Variants in TLE4 observed in about 807,000 individuals in gnomAD.
TLE4 encodes transducin-like enhancer protein 4.
A neutral mutation model predicts 92.8 loss-of-function variants in TLE4; 8 were observed. The ratio of observed to expected loss-of-function variants is 0.09; its 90% CI spans 0.05 to 0.16. The LOEUF is 0.16. Among genes scored for constraint, TLE4 ranks in the 10% least tolerant of loss-of-function variants. The pLI is 1.00. For missense variants in TLE4, 675 were observed against 997.6 expected (o/e 0.68, Z 4.36); for synonymous variants, 371 against 374.1 (o/e 0.99, Z 0.10).
chr9:79,632,689 A>G (rs2054623346), intron 6 of TLE4, among the ~76,000 whole-genome samples: 1 of 152,094 alleles, frequency 6.6e-6, no homozygotes, highest in Non-Finnish European at 1.5e-5. Context: ...GAGCTTCTCT[A>G]TCTTGTTCTG....
intron 17 of TLE4, 83 bp from the exon 18 acceptor site, chr9:79,722,368 T>G: frequency 6.9e-7 from 1 of 1,443,810 alleles, no homozygotes; most frequent in Non-Finnish European, 9.4e-7. Flanking sequence ...ATTTAAGTAG[T>G]ATCTACAGAA....
chr9:79,709,650 C>G lies in TLE4; in HGVS notation c.1291C>G (p.Arg431Gly). Residue 431 changes from arginine to glycine, a missense_variant, in exon 14 of 20, where the codon CGT becomes GGT. Arg to Gly is a moderately radical substitution (Grantham distance 125). This residue lies in a region of TLE4 where 119 missense variants were observed against 175.9 expected (regional missense o/e 0.68). Coordinates refer to ENST00000376552, the MANE Select transcript of TLE4 (RefSeq NM_007005.6). ...VVGFDPHHHM[R>G]VPAIPPNLTG... Reference sequence around the variant, plus strand: ...GGGATTTGATCCACACCATCACATGCGTGTGCCAGCAATACCTCCAAACCT... The same window carrying G: ...GGGATTTGATCCACACCATCACATGGGTGTGCCAGCAATACCTCCAAACCT... 6.2e-7 allele frequency: 1 copy of G among 1,614,030 alleles called. No individual in the cohort carries two copies. The highest frequency in any genetic ancestry group is 8.5e-7 in the Non-Finnish European group (1 of 1,179,962).
intron 8 of TLE4, among the ~76,000 whole-genome samples, chr9:79,694,758 G>C (rs552779285): frequency 2.0e-5 from 3 of 150,530 alleles, no homozygotes; most frequent in African/African-American, 7.4e-5. Context: ...TCATCTGTGT[G>C]TGGTGACTTA....
chr9:79,704,841 C>A lies in TLE4; in HGVS notation c.668C>A (p.Ala223Glu). Reference sequence around the variant, plus strand: ...GGTGCTGAGAAGCACAGAAACTCCGCAGACTACTCCTCAGAGAGCAAAAAG... The same window carrying A: ...GGTGCTGAGAAGCACAGAAACTCCGAAGACTACTCCTCAGAGAGCAAAAAG... ...FRGAEKHRNS[A>E]DYSSESKKQK... is the part of the protein sequence containing the mutation. The change falls in exon 9 of 20, where the codon GCA becomes GAA. Residue 223 changes from alanine (A) to glutamate (E), a missense_variant. Transcript: ENST00000376552. 6.2e-7 allele frequency: 1 copy of A among 1,614,180 alleles called. No individual in the cohort carries two copies. The highest frequency in any genetic ancestry group is 8.5e-7 in the Non-Finnish European group (1 of 1,180,020).
chr9:79,572,113 A>G lies in TLE4; in HGVS notation c.-678A>G, dbSNP rs550320141. 241 of 151,990 alleles carry G rather than the reference A, an allele frequency of 1.6e-3. 1 individual carries two copies. The highest frequency in any genetic ancestry group is 5.6e-3 in the African/African-American group (232 of 41,466). 9.4% of individuals were successfully genotyped at this position (151,990 alleles called of 1,614,324 possible). ...TAAAAAAAAAAGCCGCAAGCGTTTC[A>G]CTCTTTTATTTTTATAATCCCCTTC... On this transcript the variant is annotated 5_prime_UTR_variant, in exon 1 of 20. Transcript: ENST00000376552.
chr9:79,703,728 G>A (rs956976823), intron 8 of TLE4, among the ~76,000 whole-genome samples: 9 of 152,156 alleles, frequency 5.9e-5, no homozygotes, highest in African/African-American at 2.2e-4. Context: ...GCATTCCTAG[G>A]TTTCCAGACA....
At chr9:79,652,833 A>G in intron 7 of TLE4, 39 bp downstream of exon 7, 1 of 1,596,968 alleles carries the variant, frequency 6.3e-7, no homozygotes, top group Non-Finnish European at 8.6e-7. Flanking sequence ...GAGATGACCT[A>G]CTTGCTGCTG....
Position 79,708,575 on chromosome 9 carries a change from A to G in TLE4, c.1070-18A>G, listed in dbSNP as rs190077246. On this transcript the variant is annotated intron_variant, in intron 12 of 19. Coordinates refer to ENST00000376552, the MANE Select transcript of TLE4 (RefSeq NM_007005.6). ...TTCCTGTGTTCTTCATTTTTCTTCC[A>G]TCCATTTTGGTTTGCAGCCTCAAGC... 4.6e-5 allele frequency: 74 copies of G among 1,598,352 alleles called. No homozygotes were observed. In the East Asian group the frequency reaches 1.6e-3, roughly 35 times the overall value.
chr9:79,582,231 C>T (rs2132048399), intron 4 of TLE4, among the ~76,000 whole-genome samples: 1 of 152,260 alleles, frequency 6.6e-6, no homozygotes, highest in East Asian at 1.9e-4. Flanking sequence ...TAAATGAAGG[C>T]AGATGTTTTG....
In TLE4 at chr9:79,573,304, T is replaced by TC. The variant is rs547291951; in HGVS notation, c.46-380dup. 690 of 1,030,494 alleles carry TC rather than the reference T, an allele frequency of 6.7e-4. 4 individuals are homozygous for TC. The African/African-American group carries it at 0.011, about 16-fold the overall frequency. The allele number at this position is 1,030,494 out of a possible 1,614,324, so 63.8% of individuals were successfully genotyped here. A position where few individuals can be genotyped will look rare whatever the true frequency, so the allele number is the denominator to read the frequency against. The stretch of plus-strand genomic sequence containing the variant: ...GAGAGGGTGGCGGCCGCCTCCCTCC[T>TC]CCCCCGGCCTGACCGCAGCCCGACG... On this transcript the variant is annotated intron_variant, in intron 1 of 19. Transcript: ENST00000376552.
At chr9:79,615,034 T>G (rs533669991) in intron 5 of TLE4, among the ~76,000 whole-genome samples, 7 of 152,194 alleles carry the variant, frequency 4.6e-5, no homozygotes, top group Non-Finnish European at 8.8e-5. Context: ...TGTGTATCTT[T>G]TATTGTGTGA....
At chr9:79,626,331 G>A (rs936426668) in intron 5 of TLE4, among the ~76,000 whole-genome samples, 2 of 152,166 alleles carry the variant, frequency 1.3e-5, no homozygotes, top group African/African-American at 4.8e-5. Flanking sequence ...TCTCAAATAA[G>A]TGAAGAAAGT....
intron 1 of TLE4, 79 bp downstream of exon 1, chr9:79,572,914 C>G (rs1375439998): frequency 1.5e-5 from 22 of 1,491,728 alleles, no homozygotes; most frequent in Non-Finnish European, 1.9e-5. Context: ...CGAGTTGTGT[C>G]TTTTGGCCGG....
intron 4 of TLE4, among the ~76,000 whole-genome samples, chr9:79,582,285 G>C (rs1587675994): frequency 6.6e-6 from 1 of 152,208 alleles, no homozygotes; most frequent in East Asian, 1.9e-4. Flanking sequence ...CAAACAAAAG[G>C]ATAGTTCCTT....
rs7869590 is a variant in TLE4, at chr9:79,673,213, G to T, written c.609+19138G>T. ...CTGCAAGGAATGAAATTTTTAAAGA[G>T]CTAGTTGTGTTTGGCGTAAGATCCT... is the stretch of plus-strand genomic sequence containing the variant. On this transcript the variant is annotated intron_variant, in intron 8 of 19. Transcript: ENST00000376552. Among the ~76,000 whole-genome samples, 381 of 152,282 alleles carry T rather than the reference G, an allele frequency of 2.5e-3. 2 individuals are homozygous for T. Among genetic ancestry groups the T allele is most frequent in the African/African-American group, 8.6e-3 (357 of 41,554 alleles).
chr9:79,605,987 A>C (rs1327297672), intron 4 of TLE4, among the ~76,000 whole-genome samples: 1 of 152,004 alleles, frequency 6.6e-6, no homozygotes, highest in East Asian at 1.9e-4. Context: ...ACACTTTCAC[A>C]TTGTTTAAGA....
At chr9:79,656,660 G>C (rs1193526278) in intron 8 of TLE4, among the ~76,000 whole-genome samples, 1 of 152,154 alleles carries the variant, frequency 6.6e-6, no homozygotes, top group Non-Finnish European at 1.5e-5. Flanking sequence ...AGCCCCAGTG[G>C]AACATTTTGA....
intron 6 of TLE4, among the ~76,000 whole-genome samples, chr9:79,628,908 G>GTATA (rs1394471553): frequency 2.1e-5 from 3 of 142,778 alleles, no homozygotes; most frequent in Admixed American, 2.1e-4. Context: ...GTGTGTGTGT[G>GTATA]TATATGTATA....
intron 16 of TLE4, among the ~76,000 whole-genome samples, chr9:79,720,821 A>G (rs2075506769): frequency 6.6e-6 from 1 of 152,158 alleles, no homozygotes. Context: ...TATGCACTGT[A>G]TTGGGTGCAA....
Sources: gnomAD v4.1 joint callset for allele counts (sites outside exome capture counted in the v4.1 genomes callset) on GRCh38, gnomAD v4.1.1 for gene constraint, gnomAD v4.1.1 regional missense constraint, MANE v1.5 for transcripts, NCBI Gene and HGNC (gene_info 2026-07-23, HGNC 2026-07-21) for gene names.